Variants in CCDC178 observed in about 807,000 individuals in gnomAD.
CCDC178 encodes the protein coiled-coil domain-containing protein 178.
A neutral mutation model predicts 117.4 loss-of-function variants in CCDC178; 126 were observed. The ratio of observed to expected loss-of-function variants is 1.07; its 90% CI spans 0.93 to 1.24. The LOEUF is 1.24. Among genes scored for constraint, CCDC178 ranks in the 50% most tolerant of loss-of-function variants. CCDC178 has a pLI of 0.00. For synonymous variants in CCDC178, 283 were observed against 313.4 expected, an observed-to-expected ratio of 0.90 and a Z score of 1.02; for missense variants, 1,030 against 986.9, an observed-to-expected ratio of 1.04 and a Z score of -0.59.
intron 21 of CCDC178, among the ~76,000 whole-genome samples, chr18:33,045,568 ATCTGTT>A (rs1174129555): frequency 2.0e-5 from 3 of 152,198 alleles, no homozygotes. Context: ...GCTCATGAAA[ATCTGTT>A]CCAAAGCTTA....
chr18:33,080,935 G>A (rs2057287036), intron 21 of CCDC178, among the ~76,000 whole-genome samples: 1 of 151,966 alleles, frequency 6.6e-6, no homozygotes, highest in Non-Finnish European at 1.5e-5. Flanking sequence ...GGTGCAATAA[G>A]GAGATGCAAA....
intron 11 of CCDC178, among the ~76,000 whole-genome samples, chr18:33,310,317 G>A (rs2062322624): frequency 1.3e-5 from 2 of 150,452 alleles, no homozygotes; most frequent in South Asian, 4.2e-4. Context: ...ACGTGTAGAT[G>A]GCCTGTGTAT....
intron 14 of CCDC178, among the ~76,000 whole-genome samples, chr18:33,247,803 C>G (rs963899904): frequency 6.6e-6 from 1 of 151,794 alleles, no homozygotes; most frequent in Non-Finnish European, 1.5e-5. Context: ...TTGTGGAAAA[C>G]ACAGTCCACG....
At chr18:33,378,663 C>T (rs1290166610) in intron 5 of CCDC178, among the ~76,000 whole-genome samples, 1 of 152,042 alleles carries the variant, frequency 6.6e-6, no homozygotes, top group African/African-American at 2.4e-5. Flanking sequence ...TGGATTTTAT[C>T]AAAAGGTTTT....
At chr18:33,378,052 C>T (rs1159356457) in intron 5 of CCDC178, among the ~76,000 whole-genome samples, 1 of 152,188 alleles carries the variant, frequency 6.6e-6, no homozygotes, top group African/African-American at 2.4e-5. Context: ...GCCATTTAAT[C>T]GGCATTGATT....
chr18:33,037,515 G>A (rs886950245), intron 21 of CCDC178, among the ~76,000 whole-genome samples: 7 of 151,960 alleles, frequency 4.6e-5, no homozygotes, highest in South Asian at 2.1e-4. Context: ...CTTTTCTACC[G>A]TAGTTGACTA....
At chr18:33,341,312 C>A (rs2144659927) in intron 9 of CCDC178, among the ~76,000 whole-genome samples, 1 of 152,276 alleles carries the variant, frequency 6.6e-6, no homozygotes, top group East Asian at 1.9e-4. Context: ...AAGTAACTAG[C>A]TTGCTTTTGA....
chr18:33,290,511 C>G (rs1275951861), intron 12 of CCDC178, among the ~76,000 whole-genome samples: 2 of 152,034 alleles, frequency 1.3e-5, no homozygotes, highest in African/African-American at 4.8e-5. Context: ...TTAGAAGTCC[C>G]TATCATACAG....
intron 6 of CCDC178, among the ~76,000 whole-genome samples, chr18:33,359,846 TTTAC>T (rs2063102354): frequency 6.6e-6 from 1 of 151,342 alleles, no homozygotes; most frequent in Non-Finnish European, 1.5e-5. Context: ...AAACACTTCA[TTTAC>T]TTACAGCTCT....
rs527620323 is a variant in CCDC178, at chr18:33,435,137, C to A, written c.-23+4825G>T. ...CATAATTATTGGAGCAGAAAAAAAA[C>A]AGCTTTAGTTTATTCCACTTAAGAG... On this transcript the variant is annotated intron_variant, in intron 2 of 22. Transcript: ENST00000383096. Among the ~76,000 whole-genome samples, 7 of 152,152 alleles carry A rather than the reference C, an allele frequency of 4.6e-5. No individual in the cohort carries two copies. The East Asian group carries it at 5.8e-4, about 13-fold the overall frequency.
chr18:33,408,790 A>ACTG (rs1389667261), intron 3 of CCDC178, among the ~76,000 whole-genome samples: 1 of 152,198 alleles, frequency 6.6e-6, no homozygotes, highest in Non-Finnish European at 1.5e-5. Flanking sequence ...AAATAAACGC[A>ACTG]CTATCAGTAT....
chr18:33,241,707 G>T (rs2059490399), intron 15 of CCDC178, among the ~76,000 whole-genome samples: 1 of 151,560 alleles, frequency 6.6e-6, no homozygotes, highest in South Asian at 2.1e-4. Context: ...ATTGATAAAA[G>T]AAATTGAAGT....
At chr18:33,232,932 T>C (rs561465768) in intron 15 of CCDC178, among the ~76,000 whole-genome samples, 21 of 152,256 alleles carry the variant, frequency 1.4e-4, no homozygotes, top group African/African-American at 4.8e-4. Context: ...TACTCATAGA[T>C]TTAAACACTA....
chr18:32,995,936 T>TATCTAC (rs1568206188), intron 21 of CCDC178, among the ~76,000 whole-genome samples: 1 of 151,618 alleles, frequency 6.6e-6, no homozygotes, highest in South Asian at 2.1e-4. Flanking sequence ...TCTATATCTA[T>TATCTAC]ATCTATATCT....
At chr18:33,121,937 A>C (rs917969435) in intron 20 of CCDC178, among the ~76,000 whole-genome samples, 2 of 152,146 alleles carry the variant, frequency 1.3e-5, no homozygotes, top group African/African-American at 4.8e-5. Context: ...TTGATTGCCT[A>C]CAGTATTCAT....
chr18:33,122,230 T>C (rs1299517315), intron 20 of CCDC178, among the ~76,000 whole-genome samples: 1 of 152,150 alleles, frequency 6.6e-6, no homozygotes, highest in African/African-American at 2.4e-5. Context: ...TGTGGTAATC[T>C]CCTTGCTGGG....
rs555190924 is a variant in CCDC178 at position 33,240,977 on chromosome 18, C to T, written c.1593+4268G>A. Among the ~76,000 whole-genome samples, 11 of 151,900 alleles carry T rather than the reference C, an allele frequency of 7.2e-5. No homozygotes were observed. In the South Asian group the frequency reaches 8.3e-4, roughly 11 times the overall value. On this transcript the variant is annotated intron_variant, in intron 15 of 22. Transcript: ENST00000383096. ...AACACTAGCAAACTGAATCCAACAG[C>T]GCATCAAAAAGATATTACACCATAA... is the stretch of plus-strand genomic sequence containing the variant.
In CCDC178 at chr18:32,951,775, G is replaced by A. The variant is rs184689721; in HGVS notation, c.2524-13684C>T. 9.2e-3 allele frequency among the ~76,000 whole-genome samples: 1,398 copies of A among 152,240 alleles called. 19 individuals carry two copies. The highest frequency in any genetic ancestry group is 9.5e-3 in the Non-Finnish European group (647 of 68,016). ...CAAAGTCTCACCTGAGACAAGGCAA[G>A]TCCTTTTGACCTATGAGCCTGTAAA... On this transcript the variant is annotated intron_variant, in intron 22 of 22. Transcript: ENST00000383096.
intron 21 of CCDC178, among the ~76,000 whole-genome samples, chr18:33,062,068 A>T (rs1290258062): frequency 2.0e-5 from 3 of 152,230 alleles, no homozygotes; most frequent in Admixed American, 6.5e-5. Flanking sequence ...GTCTTGAAGC[A>T]TGTCAATTAA....
Sources: gnomAD v4.1 joint callset for allele counts (sites outside exome capture counted in the v4.1 genomes callset) on GRCh38, gnomAD v4.1.1 for gene constraint, MANE v1.5 for transcripts, NCBI Gene and HGNC (gene_info 2026-07-23, HGNC 2026-07-21) for gene names.